The following ZNF512 variants were observed in gnomAD, a reference collection of about 807,000 sequenced individuals.
The protein encoded by ZNF512 is zinc finger protein 512.
In ZNF512, 25 loss-of-function variants were observed where a neutral mutation model predicts 77.5. The ratio of observed to expected loss-of-function variants is 0.32; its 90% CI spans 0.23 to 0.45. The LOEUF (loss-of-function observed/expected upper bound fraction) is 0.45. ZNF512 is among the 20% of genes least tolerant of loss of function. The pLI, the probability that ZNF512 is intolerant of heterozygous loss-of-function variation, is 1.00. For missense variants in ZNF512, 483 were observed against 692.6 expected (o/e 0.70, Z 3.40); for synonymous variants, 246 against 239.9 (o/e 1.03, Z -0.24).
intron 9 of ZNF512, among the ~76,000 whole-genome samples, chr2:27,605,744 G>A (rs1672327443): frequency 6.6e-6 from 1 of 152,128 alleles, no homozygotes; most frequent in Non-Finnish European, 1.5e-5. Flanking sequence ...CCAGAATGCT[G>A]GGATTACAGG....
intron 13 of ZNF512, 30 bp downstream of exon 13, chr2:27,617,601 T>C: frequency 2.4e-6 from 2 of 831,434 alleles, no homozygotes; most frequent in Non-Finnish European, 4.3e-6. Context: ...GTGGGCCTGA[T>C]ATGTAAGCCA....
intron 10 of ZNF512, among the ~76,000 whole-genome samples, chr2:27,613,969 A>G (rs2148041258): frequency 6.6e-6 from 1 of 152,078 alleles, no homozygotes; most frequent in East Asian, 1.9e-4. Flanking sequence ...TGGAGCTGTA[A>G]AAAAGATTTT....
chr2:27,600,151 T>C, intron 5 of ZNF512, 98 bp downstream of exon 5: 1 of 1,349,864 alleles, frequency 7.4e-7, no homozygotes, highest in South Asian at 1.3e-5. Flanking sequence ...AGCATTTCTT[T>C]AAGGAGGCAG....
intron 10 of ZNF512, 134 bp from the exon 11 acceptor site, chr2:27,615,034 T>G (rs1435136520): frequency 1.7e-6 from 1 of 576,074 alleles, no homozygotes; most frequent in African/African-American, 1.9e-5. Context: ...TAGGGTCTTA[T>G]ATCTTACAGT....
At chr2:27,617,447 CTT>C (rs1558477907) in intron 12 of ZNF512, 24 bp from the exon 13 acceptor site, 1 of 932,976 alleles carries the variant, frequency 1.1e-6, no homozygotes, top group African/African-American at 1.6e-5. Context: ...ACCAGTAATT[CTT>C]TTTTGTTTCT....
intron 13 of ZNF512, among the ~76,000 whole-genome samples, chr2:27,619,281 T>C (rs551338735): frequency 5.3e-5 from 8 of 152,044 alleles, no homozygotes; most frequent in African/African-American, 1.9e-4. Context: ...CGGGCACCTG[T>C]AATCCCAGCT....
In ZNF512 at chr2:27,601,449, G is replaced by A. The variant is rs768677452; in HGVS notation, c.669+7G>A. Reference sequence around the variant, plus strand: ...GGCAAATCATAATAGTTTGGTAAGAGTGTCTTCTGTCTTTTGTGAGTGTTT... The same window carrying A: ...GGCAAATCATAATAGTTTGGTAAGAATGTCTTCTGTCTTTTGTGAGTGTTT... On this transcript the variant is annotated splice_region_variant and intron_variant, in intron 7 of 13. Transcript: ENST00000355467. The A allele has an allele frequency of 1.1e-5, 17 of 1,607,582 alleles. No individual in the cohort carries two copies. Among genetic ancestry groups the A allele is most frequent in the Admixed American group, 5.0e-5 (3 of 59,584 alleles).
At chr2:27,613,816 A>G (rs1469421673) in intron 10 of ZNF512, among the ~76,000 whole-genome samples, 1 of 152,114 alleles carries the variant, frequency 6.6e-6, no homozygotes, top group East Asian at 1.9e-4. Context: ...CATCTTTTTT[A>G]TAGCTGGATA....
At chr2:27,596,437 C>A (rs1206950739) in intron 2 of ZNF512, among the ~76,000 whole-genome samples, 2 of 152,114 alleles carry the variant, frequency 1.3e-5, no homozygotes, top group Non-Finnish European at 2.9e-5. Context: ...ACCCCCAGTC[C>A]CCCAACTCTG....
chr2:27,609,318 A>G (rs1672508189), intron 10 of ZNF512, among the ~76,000 whole-genome samples: 1 of 152,200 alleles, frequency 6.6e-6, no homozygotes, highest in Non-Finnish European at 1.5e-5. Flanking sequence ...TGCCTGCTAC[A>G]GGCTAAAGTA....
At chr2:27,606,456 G>A (rs1558472647) in intron 9 of ZNF512, among the ~76,000 whole-genome samples, 1 of 151,738 alleles carries the variant, frequency 6.6e-6, no homozygotes, top group Non-Finnish European at 1.5e-5. Flanking sequence ...TCCGCCTCCT[G>A]GGCTCAAGTG....
chr2:27,610,568 A>ATTTTTTTTTTTTTTTTTTTTTTT (rs767964486), intron 10 of ZNF512, among the ~76,000 whole-genome samples: 1 of 18,172 alleles, frequency 5.5e-5, no homozygotes, highest in African/African-American at 1.5e-4. Context: ...ATATATATAT[A>ATTTTTTTTTTTTTTTTTTTTTTT]TTTTTTTTTT....
intron 7 of ZNF512, 55 bp from the exon 8 acceptor site, chr2:27,602,408 C>A: frequency 6.5e-7 from 1 of 1,537,478 alleles, no homozygotes; most frequent in South Asian, 1.2e-5. Context: ...TTTTTTTTCC[C>A]TGTGTCTTAT....
intron 10 of ZNF512, among the ~76,000 whole-genome samples, chr2:27,610,478 G>A (rs1248662981): frequency 7.1e-5 from 9 of 127,498 alleles, no homozygotes; most frequent in African/African-American, 2.4e-4. Context: ...GTGTATATGT[G>A]TATATATATA....
rs1558474847 is a variant in ZNF512 at position 27,610,565 on chromosome 2, T to TAC, written c.1131+2527_1131+2528insCA. Among the ~76,000 whole-genome samples, 19 of 34,370 alleles carry TAC rather than the reference T, an allele frequency of 5.5e-4. 3 individuals are homozygous for TAC. The highest frequency in any genetic ancestry group is 8.2e-4 in the Admixed American group (3 of 3,676). The allele number at this position is 34,370 out of a possible 152,430, so 22.5% of individuals were successfully genotyped here. ...GTGTGTATATATATATATATATATA[T>TAC]ATATTTTTTTTTTTTTTTTTTTTTT... On this transcript the variant is annotated intron_variant, in intron 10 of 13. Transcript: ENST00000355467.
intron 9 of ZNF512, among the ~76,000 whole-genome samples, chr2:27,603,923 A>G (rs1354172112): frequency 2.0e-5 from 3 of 149,094 alleles, no homozygotes. Context: ...TAATTAATTA[A>G]TTTATGTATT....
intron 10 of ZNF512, among the ~76,000 whole-genome samples, chr2:27,608,835 G>A (rs1182868009): frequency 6.6e-6 from 1 of 152,104 alleles, no homozygotes; most frequent in Non-Finnish European, 1.5e-5. Flanking sequence ...ATAAGGCTGG[G>A]TACAGTGGCT....
In ZNF512 at chr2:27,606,853, G is replaced by A. The variant is rs79235944; in HGVS notation, c.937-992G>A. ...GCTGTTCTTTTTTAGAGGCTCTAGT[G>A]AGAGAACATGTTTCTAGACTCATTC... is the stretch of plus-strand genomic sequence containing the variant. On this transcript the variant is annotated intron_variant, in intron 9 of 13. Coordinates refer to ENST00000355467, the MANE Select transcript of ZNF512 (RefSeq NM_032434.4). Among the ~76,000 whole-genome samples the A allele has an allele frequency of 8.0e-3, 1,214 of 152,254 alleles. 27 individuals are homozygous for A. The highest frequency in any genetic ancestry group is 0.028 in the African/African-American group (1,156 of 41,552).
At chr2:27,599,862 C>G in intron 4 of ZNF512, 108 bp from the exon 5 acceptor site, 4 of 1,320,718 alleles carry the variant, frequency 3.0e-6, no homozygotes, top group Non-Finnish European at 4.3e-6. Flanking sequence ...CTTAGGCAGT[C>G]AGTCGGTTGA....
Sources: allele counts gnomAD v4.1 joint callset (sites outside exome capture counted in the v4.1 genomes callset), GRCh38; gene constraint gnomAD v4.1.1; transcripts MANE v1.5; gene names NCBI Gene and HGNC (gene_info 2026-07-23, HGNC 2026-07-21).